AMPD2: variants seen among roughly 807,000 people sequenced by gnomAD.
The protein encoded by AMPD2 is adenosine monophosphate deaminase 2.
In AMPD2, 52 loss-of-function variants were observed where a neutral mutation model predicts 91.3. The observed-to-expected ratio is 0.57, with a 90% CI of 0.46 to 0.72. AMPD2 has a LOEUF of 0.72. Among genes scored for constraint, AMPD2 ranks in the 30% least tolerant of loss-of-function variants. The pLI is 0.00. For missense variants in AMPD2, 822 were observed against 1,122.3 expected (o/e 0.73, Z 3.82); for synonymous variants, 455 against 456.4 (o/e 1.00, Z 0.04).
Position 109,621,138 on chromosome 1 carries a change from G to T in AMPD2, c.-38G>T. 1 of 1,597,582 alleles carries T rather than the reference G, an allele frequency of 6.3e-7. No homozygotes were observed. The highest frequency in any genetic ancestry group is 1.3e-5 in the African/African-American group (1 of 74,462). ...GCAGAGCCAGGCCCCAGCCGGTGCC[G>T]CTCAGACTCCCCCGCTGTCGCCGCC... On this transcript the variant is annotated 5_prime_UTR_variant, in exon 2 of 19. Coordinates refer to ENST00000528667, the MANE Select transcript of AMPD2 (RefSeq NM_001368809.2).
chr1:109,631,014 T>C lies in AMPD2; in HGVS notation c.2340T>C (p.Asn780=), dbSNP rs1651211931. The part of the protein sequence containing the change: ...GPEGNDIRRT[N]VPDIRVGYRY... ...AGGGGAATGACATCCGCCGGACCAATGTGCCAGACATCCGCGTGGGCTACC... is the reference window on the plus strand; with the variant it reads ...AGGGGAATGACATCCGCCGGACCAACGTGCCAGACATCCGCGTGGGCTACC... The change falls in exon 19 of 19, where the codon AAT becomes AAC. Residue 780 remains asparagine, a synonymous_variant. Transcript: ENST00000528667. 3 of 1,614,208 alleles carry C rather than the reference T, an allele frequency of 1.9e-6. No individual in the cohort carries two copies. Among genetic ancestry groups the C allele is most frequent in the African/African-American group, 1.3e-5 (1 of 75,074 alleles).
In AMPD2 at chr1:109,625,858, T is replaced by C. The variant is rs1356035321; in HGVS notation, c.353+66T>C. ...TTCCAGACCCTTTCAGAGCCCCTTT[T>C]CTGCCTCTTTCCCTCGCACCCTGCC... On this transcript the variant is annotated intron_variant, in intron 4 of 18. Coordinates refer to ENST00000528667, the MANE Select transcript of AMPD2 (RefSeq NM_001368809.2). The surrounding 1 kb of genome is among the most constrained non-coding windows in gnomAD (Gnocchi z 4.0). The C allele has an allele frequency of 5.0e-6, 8 of 1,597,198 alleles. No individual in the cohort carries two copies. The highest frequency in any genetic ancestry group is 1.7e-5 in the Admixed American group (1 of 59,068).
rs1024089462 is a variant in AMPD2 at position 109,625,882 on chromosome 1, C to T, written c.353+90C>T. The T allele has an allele frequency of 6.4e-7, 1 of 1,553,202 alleles. No homozygotes were observed. Among genetic ancestry groups the T allele is most frequent in the African/African-American group, 1.4e-5 (1 of 73,684 alleles). ...TTCTGCCTCTTTCCCTCGCACCCTGCCTTGGGGGGTCTGCACAGGGAGCAT... is the reference window on the plus strand; with the variant it reads ...TTCTGCCTCTTTCCCTCGCACCCTGTCTTGGGGGGTCTGCACAGGGAGCAT... On this transcript the variant is annotated intron_variant, in intron 4 of 18. Transcript: ENST00000528667. The surrounding 1 kb of genome is among the most constrained non-coding windows in gnomAD (Gnocchi z 4.0).
rs190424283 is a variant in AMPD2 at position 109,622,529 on chromosome 1, G to A, written c.91+1263G>A. 2.5e-4 allele frequency among the ~76,000 whole-genome samples: 38 copies of A among 152,250 alleles called. 1 individual carries two copies. The South Asian group carries it at 5.8e-3, about 23-fold the overall frequency. On this transcript the variant is annotated intron_variant, in intron 2 of 18. Transcript: ENST00000528667. The stretch of plus-strand genomic sequence containing the variant: ...ACTCTGGCTTTTGCTTGACTTCTCC[G>A]TAAGTGTGGGTGTATGTGTGTGGTG...
intron 15 of AMPD2, 125 bp from the exon 16 acceptor site, chr1:109,629,671 C>G: frequency 6.8e-7 from 1 of 1,470,222 alleles, no homozygotes; most frequent in Admixed American, 2.1e-5. Context: ...TACCCCTGTC[C>G]CCCTTATCCC....
chr1:109,620,468 C>T, intron 1 of AMPD2, 190 bp downstream of exon 1: 1 of 1,194,602 alleles, frequency 8.4e-7, no homozygotes, highest in Non-Finnish European at 1.1e-6. Flanking sequence ...AGGCTAGGGT[C>T]TCTGTCCCAG....
In AMPD2 at chr1:109,624,368, G is replaced by A. The variant is rs1650478147; in HGVS notation, c.92-935G>A. 6.6e-6 allele frequency among the ~76,000 whole-genome samples: 1 copy of A among 152,172 alleles called. No homozygotes were observed. The highest frequency in any genetic ancestry group is 2.4e-5 in the African/African-American group (1 of 41,446). On this transcript the variant is annotated intron_variant, in intron 2 of 18. Transcript: ENST00000528667. The surrounding 1 kb of genome is among the most constrained non-coding windows in gnomAD (Gnocchi z 5.2). ...GCTGGGGCTGCTGAGCCCAGGGAGG[G>A]TCCTTCGGGGTAGGCTGGAAGCCTT... is the stretch of plus-strand genomic sequence containing the variant.
Position 109,628,276 on chromosome 1 carries a change from C to T in AMPD2, c.1274C>T (p.Ala425Val), listed in dbSNP as rs1303561316. The T allele has an allele frequency of 5.0e-6, 8 of 1,612,940 alleles. No individual in the cohort carries two copies. The highest frequency in any genetic ancestry group is 1.1e-5 in the South Asian group (1 of 91,034). The change falls in exon 11 of 19, where the codon GCG becomes GTG. Residue 425 changes from alanine (A) to valine (V), a missense_variant and splice_region_variant. By Grantham distance (64) the Ala-to-Val change is moderately conservative. Transcript: ENST00000528667. This position sits in a 1 kb window ranked among gnomAD's most constrained non-coding sequence, Gnocchi z 7.1. The stretch of plus-strand genomic sequence containing the variant: ...AGTGTGGACACGCTGGATGTGCATG[C>T]GGTCTGTGCCAGTGGCGTGGGCTGT... ...DLSVDTLDVH[A>V]DRNTFHRFDK...
intron 16 of AMPD2, 80 bp from the exon 17 acceptor site, chr1:109,630,153 G>A: frequency 6.7e-7 from 1 of 1,503,238 alleles, no homozygotes; most frequent in East Asian, 2.3e-5. Context: ...CCTCTGCTGT[G>A]GCCTGGACCC....
Position 109,628,682 on chromosome 1 carries a change from G to T in AMPD2, c.1447G>T (p.Ala483Ser), listed in dbSNP as rs1650935144. 1 of 1,613,966 alleles carries T rather than the reference G, an allele frequency of 6.2e-7. No individual in the cohort carries two copies. Among genetic ancestry groups the T allele is most frequent in the East Asian group, 2.2e-5 (1 of 44,882 alleles). Residue 483 changes from alanine to serine, a missense_variant, in exon 13 of 19, where the codon GCA becomes TCA. Ala to Ser is a moderately conservative substitution (Grantham distance 99). Coordinates refer to ENST00000528667, the MANE Select transcript of AMPD2 (RefSeq NM_001368809.2). This position sits in a 1 kb window ranked among gnomAD's most constrained non-coding sequence, Gnocchi z 7.1. ...SDLEESKYQN[A>S]ELRLSIYGRS... is the part of the protein sequence containing the mutation. Reference sequence around the variant, plus strand: ...CCTGGAGGAGAGCAAATACCAGAATGCAGAGCTGCGGCTCTCCATTTACGG... The same window carrying T: ...CCTGGAGGAGAGCAAATACCAGAATTCAGAGCTGCGGCTCTCCATTTACGG...
Position 109,628,681 on chromosome 1 carries a change from T to C in AMPD2, c.1446T>C (p.Asn482=), listed in dbSNP as rs756027056. The C allele has an allele frequency of 1.2e-5, 19 of 1,613,950 alleles. No individual in the cohort carries two copies. Among genetic ancestry groups the C allele is most frequent in the Non-Finnish European group, 1.6e-5 (19 of 1,179,984 alleles). The change falls in exon 13 of 19, where the codon AAT becomes AAC. Residue 482 remains asparagine (N), a synonymous_variant. Transcript: ENST00000528667. The surrounding 1 kb of genome is among the most constrained non-coding windows in gnomAD (Gnocchi z 7.1). ...MSDLEESKYQ[N]AELRLSIYGR... Reference sequence around the variant, plus strand: ...ACCTGGAGGAGAGCAAATACCAGAATGCAGAGCTGCGGCTCTCCATTTACG... The same window carrying C: ...ACCTGGAGGAGAGCAAATACCAGAACGCAGAGCTGCGGCTCTCCATTTACG...
At chr1:109,626,572 GAGCCACTTGA>G in intron 6 of AMPD2, 144 bp from the exon 7 acceptor site, 1 of 1,306,372 alleles carries the variant, frequency 7.7e-7, no homozygotes, top group East Asian at 2.3e-5. Flanking sequence ...GGCTGCCTAG[GAGCCACTTGA>G]TGTGCTGGAC....
Position 109,620,985 on chromosome 1 carries a change from G to C in AMPD2, c.-191G>C, listed in dbSNP as rs780792816. ...GGAGGGATAAGGGGCAGAGATGGAG[G>C]CCCCACTCCCCGAGGTTGCCTAGAC... On this transcript the variant is annotated 5_prime_UTR_variant, in exon 2 of 19. Transcript: ENST00000528667. The C allele has an allele frequency of 9.0e-6, 14 of 1,552,576 alleles. No homozygotes were observed. The Admixed American group carries it at 2.4e-4, about 27-fold the overall frequency.
chr1:109,620,155 C>T lies in AMPD2; in HGVS notation c.-386C>T. 2 of 1,445,300 alleles carry T rather than the reference C, an allele frequency of 1.4e-6. No individual in the cohort carries two copies. The highest frequency in any genetic ancestry group is 9.7e-7 in the Non-Finnish European group (1 of 1,028,018). The allele number at this position is 1,445,300 out of a possible 1,614,324, so 89.5% of individuals were successfully genotyped here. On this transcript the variant is annotated 5_prime_UTR_variant, in exon 1 of 19. Coordinates refer to ENST00000528667, the MANE Select transcript of AMPD2 (RefSeq NM_001368809.2). ...CCCATCTCAGTGCCAGGGCAGGGGCCCTTGGAGTGACTTGGCTGGGGTCTG... is the reference window on the plus strand; with the variant it reads ...CCCATCTCAGTGCCAGGGCAGGGGCTCTTGGAGTGACTTGGCTGGGGTCTG...
chr1:109,628,360 C>T lies in AMPD2; in HGVS notation c.1276-4C>T, dbSNP rs769541378. The T allele has an allele frequency of 8.1e-6, 13 of 1,613,922 alleles. No homozygotes were observed. In the Admixed American group the frequency reaches 2.0e-4, roughly 25 times the overall value. On this transcript the variant is annotated splice_polypyrimidine_tract_variant and splice_region_variant and intron_variant, in intron 11 of 18. Transcript: ENST00000528667. This position sits in a 1 kb window ranked among gnomAD's most constrained non-coding sequence, Gnocchi z 7.1. ...GGTGACCTGAGCCTTCCCATGTCCCCCAGGACAGGAACACTTTCCATCGCT... is the reference window on the plus strand; with the variant it reads ...GGTGACCTGAGCCTTCCCATGTCCCTCAGGACAGGAACACTTTCCATCGCT...
At chr1:109,630,209 C>G in intron 16 of AMPD2, 24 bp from the exon 17 acceptor site, 1 of 1,609,234 alleles carries the variant, frequency 6.2e-7, no homozygotes, top group Non-Finnish European at 8.5e-7. Flanking sequence ...CCTGACAGGC[C>G]CTCCCTCCCT....
At position 109,624,039 on chromosome 1, in the gene AMPD2, A is replaced by G. The variant is rs370440300; in HGVS notation, c.92-1264A>G. On this transcript the variant is annotated intron_variant, in intron 2 of 18. Coordinates refer to ENST00000528667, the MANE Select transcript of AMPD2 (RefSeq NM_001368809.2). This position sits in a 1 kb window ranked among gnomAD's most constrained non-coding sequence, Gnocchi z 5.2. Reference sequence around the variant, plus strand: ...ACCGGCTGCAGCTTCACTGGCAAACAGGCGGGCAAGGGGCACAGGGCTGCT... The same window carrying G: ...ACCGGCTGCAGCTTCACTGGCAAACGGGCGGGCAAGGGGCACAGGGCTGCT... 176 of 985,564 alleles carry G rather than the reference A, an allele frequency of 1.8e-4. 2 individuals are homozygous for G. The East Asian group carries it at 0.013, about 70-fold the overall frequency. The allele number at this position is 985,564 out of a possible 1,614,324, so 61.1% of individuals were successfully genotyped here. A position where few individuals can be genotyped will look rare whatever the true frequency, so the allele number is the denominator to read the frequency against.
chr1:109,630,195 G>A (rs762576923), intron 16 of AMPD2, 38 bp from the exon 17 acceptor site: 2 of 1,606,312 alleles, frequency 1.2e-6, no homozygotes, highest in South Asian at 2.2e-5. Flanking sequence ...CAGCCTCGGG[G>A]CCACCTGACA....
chr1:109,628,722 A>C lies in AMPD2; in HGVS notation c.1487A>C (p.Glu496Ala). The C allele has an allele frequency of 6.2e-7, 1 of 1,611,990 alleles. No individual in the cohort carries two copies. Among genetic ancestry groups the C allele is most frequent in the Non-Finnish European group, 8.5e-7 (1 of 1,179,032 alleles). ...TCCATTTACGGGCGCTCGAGGGATG[A>C]GTGGGACAAGCTGGCGCGCTGGGCC... ...RLSIYGRSRD[E>A]WDKLARWAVM... The change falls in exon 13 of 19, where the codon GAG becomes GCG. Residue 496 changes from glutamate to alanine, a missense_variant. By Grantham distance (107) the Glu-to-Ala change is moderately radical. Around this residue, in one of 5 missense-constraint regions of AMPD2, gnomAD observed 430 missense variants for 606.0 expected, o/e 0.71. Transcript: ENST00000528667. This position sits in a 1 kb window ranked among gnomAD's most constrained non-coding sequence, Gnocchi z 7.1.
Sources: gnomAD v4.1 joint callset for allele counts (sites outside exome capture counted in the v4.1 genomes callset) on GRCh38, gnomAD v4.1.1 for gene constraint, gnomAD v4.1.1 regional missense constraint, Gnocchi (gnomAD v3.1) non-coding constraint, MANE v1.5 for transcripts, NCBI Gene and HGNC (gene_info 2026-07-23, HGNC 2026-07-21) for gene names.